LARP4: variants seen among roughly 807,000 people sequenced by gnomAD.
LARP4 encodes the protein la-related protein 4.
Under a neutral mutation model 92.9 loss-of-function variants are expected in LARP4, and 29 were observed. The observed-to-expected ratio is 0.31, with a 90% CI of 0.23 to 0.43. The LOEUF is 0.43. LARP4 is among the 20% of genes least tolerant of loss of function. The probability of loss-of-function intolerance (pLI) is 1.00; values close to 1 mark genes in which losing one functional copy is unlikely to be tolerated. For missense variants in LARP4, 732 were observed against 860.0 expected (o/e 0.85, Z 1.86); for synonymous variants, 279 against 284.1 (o/e 0.98, Z 0.18).
At chr12:50,425,658 A>G (rs1207204793) in intron 1 of LARP4, among the ~76,000 whole-genome samples, 1 of 152,118 alleles carries the variant, frequency 6.6e-6, no homozygotes, top group African/African-American at 2.4e-5. Flanking sequence ...ATCCGTGCCA[A>G]AGCTCTCTAG....
chr12:50,466,219 C>G lies in LARP4; in HGVS notation c.1384-740C>G, dbSNP rs115092835. Reference sequence around the variant, plus strand: ...TACAAGTAAGAGGTAAGAGGCTTGTCAGAGGATATATAGGGTGTTAGACAG... The same window carrying G: ...TACAAGTAAGAGGTAAGAGGCTTGTGAGAGGATATATAGGGTGTTAGACAG... On this transcript the variant is annotated intron_variant, in intron 12 of 15. Transcript: ENST00000398473. Among the ~76,000 whole-genome samples the G allele has an allele frequency of 1.9e-3, 285 of 152,112 alleles. 1 individual carries two copies. Among genetic ancestry groups the G allele is most frequent in the African/African-American group, 6.5e-3 (268 of 41,494 alleles).
chr12:50,424,412 A>G (rs2136926857), intron 1 of LARP4, among the ~76,000 whole-genome samples: 1 of 150,512 alleles, frequency 6.6e-6, no homozygotes, highest in Admixed American at 6.6e-5. Context: ...AGGCTGGAGT[A>G]CAGTGGCCCG....
chr12:50,412,687 A>T (rs764616933), intron 1 of LARP4, among the ~76,000 whole-genome samples: 6 of 152,152 alleles, frequency 3.9e-5, no homozygotes, highest in Non-Finnish European at 7.3e-5. Context: ...TTATTTGGGG[A>T]TGACATATTG....
At chr12:50,427,062 T>C (rs77309651) in intron 1 of LARP4, among the ~76,000 whole-genome samples, 2,379 of 152,178 alleles carry the variant, frequency 0.016, 52 homozygotes, top group African/African-American at 0.054. Context: ...TAAATGGCAC[T>C]ATTTAAAGTA....
Position 50,466,999 on chromosome 12 carries a change from CAA to C in LARP4, c.1426_1427del (p.Lys476ValfsTer2). ...ACAGCTGAATCAAAGGCTCCAACAC[CAA>C]AGTTTGACTTATTAGCCTCAAATTT... On this transcript the variant is annotated frameshift_variant, in exon 13 of 16. Coordinates refer to ENST00000398473, the MANE Select transcript of LARP4 (RefSeq NM_052879.5). LOFTEE classifies it high-confidence loss of function. 1 of 1,612,970 alleles carries C rather than the reference CAA, an allele frequency of 6.2e-7. No individual in the cohort carries two copies. Among genetic ancestry groups the C allele is most frequent in the South Asian group, 1.1e-5 (1 of 90,964 alleles).
chr12:50,446,612 A>T (rs1282575772), intron 8 of LARP4, among the ~76,000 whole-genome samples: 1 of 148,856 alleles, frequency 6.7e-6, no homozygotes, highest in Non-Finnish European at 1.5e-5. Flanking sequence ...TAGTTTTAGT[A>T]GAGACAGGGT....
intron 3 of LARP4, 41 bp downstream of exon 3, chr12:50,429,131 C>A (rs774193342): frequency 7.0e-7 from 1 of 1,430,220 alleles, no homozygotes; most frequent in Non-Finnish European, 9.8e-7. Flanking sequence ...GAATTCAGTA[C>A]AGGACACCCC....
Position 50,477,262 on chromosome 12 carries a change from T to C in LARP4, c.*1398T>C, listed in dbSNP as rs1957601396. The C allele has an allele frequency of 6.6e-6, 1 of 152,400 alleles. No individual in the cohort carries two copies. Among genetic ancestry groups the C allele is most frequent in the Non-Finnish European group, 1.5e-5 (1 of 68,000 alleles). The allele number at this position is 152,400 out of a possible 1,614,324, so 9.4% of individuals were successfully genotyped here. A position where few individuals can be genotyped will look rare whatever the true frequency, so the allele number is the denominator to read the frequency against. On this transcript the variant is annotated 3_prime_UTR_variant, in exon 16 of 16. Coordinates refer to ENST00000398473, the MANE Select transcript of LARP4 (RefSeq NM_052879.5). ...ATACTAAATAGACAAGTTTACATGC[T>C]GTTATTTAGAAAATGACTAAAATAT...
chr12:50,413,713 A>G (rs1385145585), intron 1 of LARP4, among the ~76,000 whole-genome samples: 2 of 152,214 alleles, frequency 1.3e-5, no homozygotes, highest in Non-Finnish European at 2.9e-5. Flanking sequence ...TTATAGATTC[A>G]TGAAGTTGCA....
At chr12:50,435,753 A>C in intron 5 of LARP4, 129 bp downstream of exon 5, 1 of 660,710 alleles carries the variant, frequency 1.5e-6, no homozygotes, top group South Asian at 2.4e-5. Context: ...TTTGTTCCGA[A>C]TTCTCTCTCT....
chr12:50,462,704 C>A, intron 12 of LARP4, 74 bp downstream of exon 12: 2 of 1,010,652 alleles, frequency 2.0e-6, no homozygotes, highest in Non-Finnish European at 3.0e-6. Flanking sequence ...TTCGGTCTTT[C>A]CTTTCTGGGT....
chr12:50,469,680 G>A (rs574962860), intron 13 of LARP4, among the ~76,000 whole-genome samples: 15 of 151,750 alleles, frequency 9.9e-5, no homozygotes, highest in Admixed American at 5.3e-4. Context: ...GGAGCCTGAG[G>A]AGAGTGGATC....
At chr12:50,474,205 A>C (rs748988422) in intron 15 of LARP4, 38 bp downstream of exon 15, 1 of 1,510,746 alleles carries the variant, frequency 6.6e-7, no homozygotes, top group Admixed American at 2.1e-5. Context: ...AAAAAAATAC[A>C]ATAGATTAGA....
chr12:50,405,660 T>TA (rs1165852307), intron 1 of LARP4, among the ~76,000 whole-genome samples: 1 of 151,744 alleles, frequency 6.6e-6, no homozygotes, highest in African/African-American at 2.4e-5. Context: ...TTTGTTTAAA[T>TA]AAAAAAAATT....
At chr12:50,423,810 G>T (rs1355095451) in intron 1 of LARP4, among the ~76,000 whole-genome samples, 2 of 149,496 alleles carry the variant, frequency 1.3e-5, no homozygotes, top group Non-Finnish European at 3.0e-5. Context: ...GGGGTGCAAT[G>T]ATGCAATTTC....
At chr12:50,466,904 C>T in intron 12 of LARP4, 55 bp from the exon 13 acceptor site, 1 of 1,503,084 alleles carries the variant, frequency 6.7e-7, no homozygotes. Flanking sequence ...TTCTGTGACA[C>T]AGGATTAGGG....
At position 50,474,579 on chromosome 12, in the gene LARP4, C is replaced by T. The variant is rs1381928258; in HGVS notation, c.1836+412C>T. ...AGCCAGGATGGTCTCAATCTCCTGA[C>T]CTCGTGATCCACCCGCCTCGGCCTC... On this transcript the variant is annotated intron_variant, in intron 15 of 15. Transcript: ENST00000398473. Among the ~76,000 whole-genome samples the T allele has an allele frequency of 3.3e-5, 5 of 152,114 alleles. No homozygotes were observed. In the East Asian group the frequency reaches 9.6e-4, roughly 29 times the overall value.
At chr12:50,469,527 C>G (rs1956634057) in intron 13 of LARP4, among the ~76,000 whole-genome samples, 1 of 150,392 alleles carries the variant, frequency 6.6e-6, no homozygotes, top group Middle Eastern at 3.3e-3. Context: ...TGGCATGAAC[C>G]CGGGAGGCAG....
chr12:50,453,596 A>G lies in LARP4; in HGVS notation c.941A>G (p.His314Arg). The G allele has an allele frequency of 3.1e-6, 5 of 1,613,694 alleles. No individual in the cohort carries two copies. The highest frequency in any genetic ancestry group is 4.2e-6 in the Non-Finnish European group (5 of 1,179,774). ...PVFMQPVYNP[H>R]QQYSVYSIVP... ...TTTATGCAGCCTGTATATAATCCTC[A>G]CCAACAGTACTCGGTCTATAGTATT... The change falls in exon 9 of 16, where the codon CAC (histidine) becomes CGC (arginine). Residue 314 changes from histidine to arginine, a missense_variant. By Grantham distance (29) the His-to-Arg change is conservative. Around this residue, in one of 7 missense-constraint regions of LARP4, gnomAD observed 264 missense variants for 269.5 expected, o/e 0.98. Coordinates refer to ENST00000398473, the MANE Select transcript of LARP4 (RefSeq NM_052879.5).
Sources: gnomAD v4.1 joint callset for allele counts (sites outside exome capture counted in the v4.1 genomes callset) on GRCh38, gnomAD v4.1.1 for gene constraint, gnomAD v4.1.1 regional missense constraint, MANE v1.5 for transcripts, NCBI Gene and HGNC (gene_info 2026-07-23, HGNC 2026-07-21) for gene names.